The following TTC34 variants were observed in gnomAD, a reference collection of about 807,000 sequenced individuals.
TTC34 encodes tetratricopeptide repeat domain 34, also known as tetratricopeptide repeat protein 34.
Under a neutral mutation model 40.7 loss-of-function variants are expected in TTC34, and 44 were observed. The ratio of observed to expected loss-of-function variants is 1.08; its 90% CI spans 0.85 to 1.39. The LOEUF is 1.39. TTC34 is among the 40% of genes most tolerant of loss of function. The pLI is 0.00. For missense variants in TTC34, 884 were observed against 838.0 expected (o/e 1.05, Z -0.68); for synonymous variants, 422 against 398.6 (o/e 1.06, Z -0.70).
chr1:2,755,117 G>A, intron 6 of TTC34, among the ~76,000 whole-genome samples: 1 of 66,386 alleles, frequency 1.5e-5, no homozygotes, highest in South Asian at 8.0e-4. Context: ...GCGAGCATCT[G>A]ACGGCCTGGA....
At position 2,666,132 on chromosome 1, in the gene TTC34, C is replaced by G. The variant is rs1217407732; in HGVS notation, c.2227-20569G>C. On this transcript the variant is annotated intron_variant, in intron 6 of 8. Transcript: ENST00000401095. Reference sequence around the variant, plus strand: ...ACAGCCTGGAACAGCACGCGCAAACCCAGGTGAGCATCTGACAGCCTGGAA... The same window carrying G: ...ACAGCCTGGAACAGCACGCGCAAACGCAGGTGAGCATCTGACAGCCTGGAA... Among the ~76,000 whole-genome samples the G allele has an allele frequency of 4.8e-5, 6 of 123,800 alleles. No individual in the cohort carries two copies. In the Admixed American group the frequency reaches 4.9e-4, roughly 10 times the overall value. 81.2% of individuals were successfully genotyped at this position (123,800 alleles called of 152,430 possible).
At chr1:2,775,319 A>T (rs2100580012) in intron 6 of TTC34, 1 of 151,154 alleles carries the variant, frequency 6.6e-6, no homozygotes, top group South Asian at 2.1e-4. Flanking sequence ...ACCCCAGGTG[A>T]GGATCTGACT....
chr1:2,687,112 T>C (rs61765676), intron 6 of TTC34, among the ~76,000 whole-genome samples: 2,000 of 23,472 alleles, frequency 0.085, no homozygotes, highest in African/African-American at 0.12. Context: ...CATCGTGGAG[T>C]AGCACCCCAC....
chr1:2,690,556 G>GA (rs1640571503), intron 6 of TTC34, among the ~76,000 whole-genome samples: 2 of 146,742 alleles, frequency 1.4e-5, no homozygotes, highest in African/African-American at 5.0e-5. Context: ...GGGAGCATCT[G>GA]ACCGCATGGA....
At chr1:2,787,758 C>G in intron 3 of TTC34, 52 bp from the exon 4 acceptor site, 1 of 1,417,050 alleles carries the variant, frequency 7.1e-7, no homozygotes, top group South Asian at 1.4e-5. Context: ...ACCCCTCCAC[C>G]TGCCCAGGTG....
chr1:2,756,624 C>A (rs1641514390), intron 6 of TTC34, among the ~76,000 whole-genome samples: 71 of 150,262 alleles, frequency 4.7e-4, no homozygotes, highest in East Asian at 9.9e-4. Flanking sequence ...ACAGCACCCA[C>A]ACCCCCAGGT....
chr1:2,785,250 G>A (rs536596349), intron 5 of TTC34, among the ~76,000 whole-genome samples: 35 of 151,634 alleles, frequency 2.3e-4, no homozygotes, highest in Non-Finnish European at 5.9e-5. Flanking sequence ...GTGCATGGCC[G>A]GGTTCCACGT....
intron 6 of TTC34, among the ~76,000 whole-genome samples, chr1:2,752,165 C>T (rs1366126379): frequency 8.4e-6 from 1 of 118,646 alleles, no homozygotes; most frequent in Non-Finnish European, 1.7e-5. Flanking sequence ...GAGCAGCACC[C>T]ACACCAACAG....
intron 5 of TTC34, 32 bp downstream of exon 5, chr1:2,785,777 TGGCACAAGAC>T (rs1439679578): frequency 1.3e-6 from 2 of 1,522,858 alleles, no homozygotes. Flanking sequence ...CCCCTGTGCC[TGGCACAAGAC>T]TGGGCCCTGG....
At chr1:2,688,153 G>T (rs796781540) in intron 6 of TTC34, among the ~76,000 whole-genome samples, 1 of 144,968 alleles carries the variant, frequency 6.9e-6, no homozygotes, top group African/African-American at 2.5e-5. Flanking sequence ...TGACGGCCTG[G>T]AAGGGCACCC....
chr1:2,760,039 C>CCCACCCAAGTGAGCATCTG (rs1641644688), intron 6 of TTC34, among the ~76,000 whole-genome samples: 1 of 98,378 alleles, frequency 1.0e-5, no homozygotes, highest in Non-Finnish European at 2.0e-5. Flanking sequence ...GCAGCGCCCA[C>CCCACCCAAGTGAGCATCTG]ACACCCAAGT....
intron 6 of TTC34, among the ~76,000 whole-genome samples, chr1:2,652,452 T>A (rs1240721864): frequency 3.4e-5 from 5 of 148,604 alleles, no homozygotes; most frequent in South Asian, 2.2e-4. Flanking sequence ...CACCCCCAGG[T>A]GAGCATCCGA....
At chr1:2,781,158 G>C (rs1451812952) in intron 6 of TTC34, among the ~76,000 whole-genome samples, 2 of 152,112 alleles carry the variant, frequency 1.3e-5, no homozygotes, top group Admixed American at 1.3e-4. Flanking sequence ...CAGTTCTTGG[G>C]ATGTGCAACC....
chr1:2,691,875 C>A lies in TTC34; in HGVS notation c.2227-46312G>T, dbSNP rs1347099258. ...AGCAGCCCCCACACCCAGAGGTGAG[C>A]ATCCGACAGCCAGGAGCAGCAACCT... On this transcript the variant is annotated intron_variant, in intron 6 of 8. Transcript: ENST00000401095. Among the ~76,000 whole-genome samples, 4 of 59,216 alleles carry A rather than the reference C, an allele frequency of 6.8e-5. 1 individual carries two copies. The highest frequency in any genetic ancestry group is 2.0e-4 in the African/African-American group (4 of 20,272). 38.8% of individuals were successfully genotyped at this position (59,216 alleles called of 152,430 possible).
intron 8 of TTC34, among the ~76,000 whole-genome samples, chr1:2,643,653 G>C (rs1253707547): frequency 3.5e-5 from 5 of 142,010 alleles, no homozygotes; most frequent in Non-Finnish European, 8.0e-5. Flanking sequence ...TCTTCAGCTC[G>C]GGGGGGGCAG....
intron 6 of TTC34, among the ~76,000 whole-genome samples, chr1:2,685,181 C>A (rs577487416): frequency 3.8e-5 from 3 of 78,072 alleles, no homozygotes; most frequent in East Asian, 9.1e-4. Context: ...ATCTGACTGC[C>A]TGGAACAGCA....
At chr1:2,791,570 A>T (rs1349455648) in intron 2 of TTC34, among the ~76,000 whole-genome samples, 2 of 152,204 alleles carry the variant, frequency 1.3e-5, no homozygotes, top group Non-Finnish European at 2.9e-5. Flanking sequence ...CCAGCACAGA[A>T]GGTGTCTCGT....
intron 6 of TTC34, among the ~76,000 whole-genome samples, chr1:2,769,808 G>A (rs1254139620): frequency 8.1e-6 from 1 of 123,900 alleles, no homozygotes; most frequent in Non-Finnish European, 1.6e-5. Flanking sequence ...GTGGGCATCT[G>A]ACAGCCTGGA....
intron 8 of TTC34, among the ~76,000 whole-genome samples, chr1:2,643,205 G>A (rs908966312): frequency 1.4e-4 from 21 of 152,332 alleles, no homozygotes; most frequent in African/African-American, 4.8e-4. Context: ...CGCAGGCGCA[G>A]TGCCACCCGG....
Sources: allele counts gnomAD v4.1 joint callset (sites outside exome capture counted in the v4.1 genomes callset), GRCh38; gene constraint gnomAD v4.1.1; transcripts MANE v1.5; gene names NCBI Gene and HGNC (gene_info 2026-07-23, HGNC 2026-07-21).